Variants in DYNC1I1 observed in about 807,000 individuals in gnomAD.
DYNC1I1 encodes cytoplasmic dynein 1 intermediate chain 1.
A neutral mutation model predicts 86.6 loss-of-function variants in DYNC1I1; 43 were observed. The ratio of observed to expected loss-of-function variants is 0.50; its 90% CI spans 0.39 to 0.64. The LOEUF (loss-of-function observed/expected upper bound fraction) is 0.64, where lower values mean the gene tolerates loss of function less well. Among genes scored for constraint, DYNC1I1 ranks in the 30% least tolerant of loss-of-function variants. The probability of loss-of-function intolerance (pLI) is 0.00; values close to 1 mark genes in which losing one functional copy is unlikely to be tolerated. For missense variants in DYNC1I1, 604 were observed against 788.8 expected (o/e 0.77, Z 2.81); for synonymous variants, 262 against 283.7 (o/e 0.92, Z 0.77).
At chr7:95,881,404 C>T (rs1294914347) in intron 6 of DYNC1I1, among the ~76,000 whole-genome samples, 1 of 152,280 alleles carries the variant, frequency 6.6e-6, no homozygotes, top group East Asian at 1.9e-4. Flanking sequence ...ATCACTATTA[C>T]CATAAAGCCA....
At chr7:95,877,271 G>A (rs1790335115) in intron 6 of DYNC1I1, among the ~76,000 whole-genome samples, 2 of 152,160 alleles carry the variant, frequency 1.3e-5, no homozygotes, top group South Asian at 2.1e-4. Context: ...TAACTTGAGG[G>A]ATGGAGATTT....
chr7:95,894,948 A>C (rs1584136531), intron 6 of DYNC1I1, among the ~76,000 whole-genome samples: 1 of 152,164 alleles, frequency 6.6e-6, no homozygotes, highest in East Asian at 1.9e-4. Flanking sequence ...ATTGTTGTGG[A>C]GAAGAATTGG....
At chr7:95,975,058 G>A (rs1394824109) in intron 6 of DYNC1I1, among the ~76,000 whole-genome samples, 1 of 152,058 alleles carries the variant, frequency 6.6e-6, no homozygotes, top group African/African-American at 2.4e-5. Context: ...CAGTTCCTTC[G>A]GGGGAAATTA....
chr7:95,782,441 G>C (rs1794017643), intron 1 of DYNC1I1, among the ~76,000 whole-genome samples: 1 of 152,204 alleles, frequency 6.6e-6, no homozygotes, highest in Non-Finnish European at 1.5e-5. Flanking sequence ...TGAGCCATTT[G>C]TGGGACTTGC....
chr7:96,061,193 G>T (rs1470628284), intron 14 of DYNC1I1, among the ~76,000 whole-genome samples: 3 of 152,176 alleles, frequency 2.0e-5, no homozygotes, highest in Non-Finnish European at 4.4e-5. Flanking sequence ...TTTAATTAAG[G>T]AGCGAAGGGG....
downstream of DYNC1I1, among the ~76,000 whole-genome samples, chr7:96,099,095 G>C (rs955423989): frequency 6.6e-6 from 1 of 152,148 alleles, no homozygotes; most frequent in African/African-American, 2.4e-5. Flanking sequence ...TGAATGAAAA[G>C]TACTGGGAAA....
intron 1 of DYNC1I1, among the ~76,000 whole-genome samples, chr7:95,792,997 G>A (rs1285031717): frequency 6.6e-6 from 1 of 152,120 alleles, no homozygotes; most frequent in Non-Finnish European, 1.5e-5. Context: ...ATGGTAAGGA[G>A]TTGGGACATA....
intron 5 of DYNC1I1, among the ~76,000 whole-genome samples, chr7:95,845,906 C>T (rs1363421358): frequency 6.6e-6 from 1 of 152,116 alleles, no homozygotes; most frequent in Non-Finnish European, 1.5e-5. Context: ...CCTCAAGAAT[C>T]TTGAGTAAGC....
At chr7:95,836,798 A>C (rs1789106819) in intron 5 of DYNC1I1, among the ~76,000 whole-genome samples, 1 of 151,508 alleles carries the variant, frequency 6.6e-6, no homozygotes, top group South Asian at 2.1e-4. Context: ...GTAGTTCTTG[A>C]GTCTTGGTTT....
chr7:96,004,518 T>C (rs1270186158), intron 10 of DYNC1I1, among the ~76,000 whole-genome samples: 1 of 152,162 alleles, frequency 6.6e-6, no homozygotes, highest in Non-Finnish European at 1.5e-5. Context: ...TAGTGTTATG[T>C]TGAGTAGTTG....
At chr7:96,083,995 A>G (rs1402491146) in intron 16 of DYNC1I1, among the ~76,000 whole-genome samples, 1 of 152,208 alleles carries the variant, frequency 6.6e-6, no homozygotes, top group Non-Finnish European at 1.5e-5. Flanking sequence ...CGTTGAATAC[A>G]TGTCTGTGGG....
intron 13 of DYNC1I1, among the ~76,000 whole-genome samples, chr7:96,036,421 G>A (rs1474600699): frequency 6.6e-6 from 1 of 152,170 alleles, no homozygotes; most frequent in African/African-American, 2.4e-5. Flanking sequence ...TATAGTTTAG[G>A]ATGGTAAGTG....
chr7:95,844,509 C>T (rs1789374440), intron 5 of DYNC1I1, among the ~76,000 whole-genome samples: 1 of 152,130 alleles, frequency 6.6e-6, no homozygotes, highest in South Asian at 2.1e-4. Context: ...CCTGCTATGC[C>T]ACATGGGAGA....
At chr7:95,781,336 T>C (rs1793988046) in intron 1 of DYNC1I1, among the ~76,000 whole-genome samples, 1 of 152,216 alleles carries the variant, frequency 6.6e-6, no homozygotes, top group Non-Finnish European at 1.5e-5. Context: ...TCCCATATCT[T>C]ATGCCAGAGA....
chr7:95,924,454 G>A (rs1407989630), intron 6 of DYNC1I1, among the ~76,000 whole-genome samples: 2 of 152,236 alleles, frequency 1.3e-5, no homozygotes, highest in Non-Finnish European at 2.9e-5. Context: ...ATTGTTATTA[G>A]AGTATATTAT....
chr7:96,084,799 A>G (rs575893653), intron 16 of DYNC1I1, among the ~76,000 whole-genome samples: 1 of 152,298 alleles, frequency 6.6e-6, no homozygotes. Flanking sequence ...ACGTCAAGGT[A>G]CATATAGAGC....
rs763096931 is a variant in DYNC1I1, at chr7:95,806,953, C to A, written c.108+2116C>A. Among the ~76,000 whole-genome samples the A allele has an allele frequency of 4.6e-5, 7 of 152,262 alleles. No homozygotes were observed. In the East Asian group the frequency reaches 5.8e-4, roughly 13 times the overall value. On this transcript the variant is annotated intron_variant, in intron 2 of 16. Coordinates refer to ENST00000447467, the MANE Select transcript of DYNC1I1 (RefSeq NM_001135556.2). Reference sequence around the variant, plus strand: ...CTGGGAAACCTGGATCTGCCCTTCACAGAATGGCCCTGAGTGGGTATGGGT... The same window carrying A: ...CTGGGAAACCTGGATCTGCCCTTCAAAGAATGGCCCTGAGTGGGTATGGGT...
chr7:95,951,504 TTTTC>T (rs1019301790), intron 6 of DYNC1I1, among the ~76,000 whole-genome samples: 1 of 152,136 alleles, frequency 6.6e-6, no homozygotes, highest in Non-Finnish European at 1.5e-5. Context: ...AAGAAGGTAG[TTTTC>T]TTTCTTTCCT....
chr7:96,058,441 T>C (rs1461689964), intron 14 of DYNC1I1, among the ~76,000 whole-genome samples: 2 of 152,184 alleles, frequency 1.3e-5, no homozygotes, highest in African/African-American at 4.8e-5. Flanking sequence ...TCATGTAACT[T>C]AAATACATCT....
Sources: allele counts gnomAD v4.1 joint callset (sites outside exome capture counted in the v4.1 genomes callset), GRCh38; gene constraint gnomAD v4.1.1; transcripts MANE v1.5; gene names NCBI Gene and HGNC (gene_info 2026-07-23, HGNC 2026-07-21).